MYPN: variants seen among roughly 807,000 people sequenced by gnomAD.
The protein encoded by MYPN is sarcomeric protein myopalladin, 145 kDa (MYOP).
A neutral mutation model predicts 129.4 loss-of-function variants in MYPN; 63 were observed. The observed-to-expected ratio is 0.49, with a 90% CI of 0.40 to 0.60. The LOEUF (loss-of-function observed/expected upper bound fraction) is 0.60, where lower values mean the gene tolerates loss of function less well. Ranked by LOEUF, MYPN falls within the 20% of genes least tolerant of loss-of-function variation. The pLI is 0.00. For missense variants in MYPN, 1,596 were observed against 1,635.4 expected, an observed-to-expected ratio of 0.98 and a Z score of 0.42; for synonymous variants, 629 against 600.9, an observed-to-expected ratio of 1.05 and a Z score of -0.68.
intron 12 of MYPN, among the ~76,000 whole-genome samples, chr10:68,182,336 CACACATATATAACATATATATA>C (rs2043334990): frequency 2.4e-5 from 1 of 41,090 alleles, no homozygotes; most frequent in Non-Finnish European, 6.5e-5. Flanking sequence ...ATATATAACA[CACACATATATAACATATATATA>C]ACACATATAT....
intron 1 of MYPN, among the ~76,000 whole-genome samples, chr10:68,117,326 A>C (rs76375118): frequency 0.021 from 3,218 of 152,146 alleles, 126 homozygotes; most frequent in African/African-American, 0.073. Flanking sequence ...TCTATGTGCT[A>C]TGTGGGTGCA....
At chr10:68,103,522 C>T (rs1341430008), upstream of MYPN, among the ~76,000 whole-genome samples, 2 of 152,142 alleles carry the variant, frequency 1.3e-5, no homozygotes, top group African/African-American at 2.4e-5. Context: ...AATCCCATTG[C>T]CCATCAATAC....
intron 12 of MYPN, among the ~76,000 whole-genome samples, chr10:68,184,017 T>C (rs188668522): frequency 6.0e-4 from 92 of 152,266 alleles, no homozygotes; most frequent in Admixed American, 2.2e-3. Context: ...GTGAGAACCC[T>C]GTCTCAAAAA....
intron 2 of MYPN, among the ~76,000 whole-genome samples, chr10:68,127,319 C>CTTTT (rs71470508): frequency 5.2e-4 from 38 of 72,570 alleles, no homozygotes; most frequent in African/African-American, 7.3e-4. Context: ...ACACATATAT[C>CTTTT]TTTTTTTTTT....
At chr10:68,104,220 A>G (rs1176943579), upstream of MYPN, among the ~76,000 whole-genome samples, 1 of 152,178 alleles carries the variant, frequency 6.6e-6, no homozygotes, top group Non-Finnish European at 1.5e-5. Context: ...GGTCATGAGT[A>G]AGAACACTGA....
intron 2 of MYPN, among the ~76,000 whole-genome samples, chr10:68,139,361 T>TTC (rs1380693466): frequency 1.3e-5 from 2 of 152,332 alleles, no homozygotes; most frequent in African/African-American, 4.8e-5. Context: ...GTTTCCACAT[T>TTC]TCTCAAATCT....
intron 1 of MYPN, among the ~76,000 whole-genome samples, chr10:68,117,031 C>A (rs903311652): frequency 6.6e-6 from 1 of 151,974 alleles, no homozygotes; most frequent in African/African-American, 2.4e-5. Flanking sequence ...ACCATCCAGA[C>A]TGATCAACAT....
intron 2 of MYPN, among the ~76,000 whole-genome samples, chr10:68,132,938 G>T (rs1436408425): frequency 6.6e-6 from 1 of 151,810 alleles, no homozygotes; most frequent in Admixed American, 6.6e-5. Flanking sequence ...CAAAATGGTA[G>T]ACTGAGCACA....
intron 2 of MYPN, 146 bp from the exon 3 acceptor site, chr10:68,142,794 A>G: frequency 1.2e-6 from 1 of 805,550 alleles, no homozygotes; most frequent in African/African-American, 1.7e-5. Context: ...TCTCACTGTT[A>G]CAAAAAAATA....
rs374007615 is a variant in MYPN, at chr10:68,195,510, A to C, written c.3136A>C (p.Thr1046Pro). ...AAGTTTGCCCATTCGCAGTCGGCTA[A>C]CCTCTGCTGGTCAGTCTCACAGGTA... is the stretch of plus-strand genomic sequence containing the variant. Reference protein sequence around the residue: ...VQSLPIRSRLTSAGQSHRGRS... With the variant: ...VQSLPIRSRLPSAGQSHRGRS... The change falls in exon 15 of 20, where the codon ACC becomes CCC. Residue 1046 changes from threonine to proline, a missense_variant. Physicochemically the swap from Thr to Pro is conservative, Grantham distance 38. Transcript: ENST00000358913. The C allele has an allele frequency of 2.0e-5, 33 of 1,613,922 alleles. No individual in the cohort carries two copies. In the Admixed American group the frequency reaches 2.5e-4, roughly 12 times the overall value.
At position 68,148,464 on chromosome 10, in the gene MYPN, G is replaced by A. The variant is rs1371488410; in HGVS notation, c.1242G>A (p.Gln414=). The A allele has an allele frequency of 6.2e-7, 1 of 1,613,002 alleles. No individual in the cohort carries two copies. The highest frequency in any genetic ancestry group is 2.2e-5 in the East Asian group (1 of 44,898). Residue 414 remains glutamine (Q), a synonymous_variant, in exon 5 of 20, where the codon CAG becomes CAA. Transcript: ENST00000358913. ...LVAQPRVATI[Q]QCQSPTNYLQ... ...CCCAACCTCGTGTGGCAACCATCCA[G>A]CAGGTACAAGAATCCAAGCGAAACA...
chr10:68,173,031 C>G (rs1158804790), intron 10 of MYPN, among the ~76,000 whole-genome samples: 1 of 152,072 alleles, frequency 6.6e-6, no homozygotes, highest in Non-Finnish European at 1.5e-5. Context: ...CAAGATCGCA[C>G]TACTGCACTC....
At chr10:68,139,611 C>A (rs1382769299) in intron 2 of MYPN, among the ~76,000 whole-genome samples, 1 of 152,216 alleles carries the variant, frequency 6.6e-6, no homozygotes, top group Non-Finnish European at 1.5e-5. Context: ...TTTGTTTGTA[C>A]AAGCTCCTTG....
At chr10:68,092,033 G>C (rs936652062) in intron 1 of MYPN, among the ~76,000 whole-genome samples, 1 of 152,072 alleles carries the variant, frequency 6.6e-6, no homozygotes, top group Non-Finnish European at 1.5e-5. Context: ...AGTGAGCTAT[G>C]ATTGTGTCAC....
At chr10:68,102,352 C>T (rs2133946538), upstream of MYPN, among the ~76,000 whole-genome samples, 1 of 152,158 alleles carries the variant, frequency 6.6e-6, no homozygotes, top group African/African-American at 2.4e-5. Flanking sequence ...TGGTCTCAAA[C>T]TCCTAGGCTC....
At position 68,148,337 on chromosome 10, in the gene MYPN, T is replaced by G. The variant is rs1187874880; in HGVS notation, c.1131-16T>G. 1.3e-6 allele frequency: 2 copies of G among 1,578,210 alleles called. No individual in the cohort carries two copies. The highest frequency in any genetic ancestry group is 2.2e-5 in the South Asian group (2 of 90,370). ...GATAGGTCTATTTTATAATCTATAT[T>G]TTAATAATTTCTCAGAATCCAGAAG... On this transcript the variant is annotated splice_polypyrimidine_tract_variant and intron_variant, in intron 4 of 19. Transcript: ENST00000358913.
At position 68,194,387 on chromosome 10, in the gene MYPN, C is replaced by G; in HGVS notation, c.2950C>G (p.Gln984Glu). 6.2e-7 allele frequency: 1 copy of G among 1,613,574 alleles called. No homozygotes were observed. Among genetic ancestry groups the G allele is most frequent in the East Asian group, 2.2e-5 (1 of 44,834 alleles). ...PKVYWFKDGK[Q>E]ISKRNEHCKM... is the part of the protein sequence containing the mutation. ...GGTTTACTGGTTCAAAGATGGGAAG[C>G]AGATTTCTAAGAGAAATGAGCACTG... The change falls in exon 14 of 20, where the codon CAG becomes GAG. Residue 984 changes from glutamine to glutamate, a missense_variant. Physicochemically the swap from Gln to Glu is conservative, Grantham distance 29 (BLOSUM62 2). Transcript: ENST00000358913.
At position 68,147,100 on chromosome 10, in the gene MYPN, C is replaced by T. The variant is rs145336306; in HGVS notation, c.1131-1253C>T. On this transcript the variant is annotated intron_variant, in intron 4 of 19. Transcript: ENST00000358913. ...AGTAAGCACCATTCTAAACACATTA[C>T]ATGAATTATCTTATTTAATCCTCAC... is the stretch of plus-strand genomic sequence containing the variant. 1.7e-3 allele frequency among the ~76,000 whole-genome samples: 254 copies of T among 152,214 alleles called. 1 individual carries two copies. Among genetic ancestry groups the T allele is most frequent in the African/African-American group, 5.8e-3 (239 of 41,540 alleles).
rs763850193 is a variant in MYPN, at chr10:68,121,722, A to G, written c.284A>G (p.Gln95Arg). The change falls in exon 2 of 20, where the codon CAA becomes CGA. Residue 95 changes from glutamine to arginine, a missense_variant. Coordinates refer to ENST00000358913, the MANE Select transcript of MYPN (RefSeq NM_032578.4). ...CCTTTGGAGAAGGCAGATGAAACTC[A>G]AGCTAGAAAACGACTTTCTCCTGAT... Reference protein sequence around the residue: ...YDPLEKADETQARKRLSPDQM... With the variant: ...YDPLEKADETRARKRLSPDQM... 1 of 1,614,188 alleles carries G rather than the reference A, an allele frequency of 6.2e-7. No homozygotes were observed. Among genetic ancestry groups the G allele is most frequent in the Non-Finnish European group, 8.5e-7 (1 of 1,180,030 alleles).
Sources: allele counts gnomAD v4.1 joint callset (sites outside exome capture counted in the v4.1 genomes callset), GRCh38; gene constraint gnomAD v4.1.1; transcripts MANE v1.5; gene names NCBI Gene and HGNC (gene_info 2026-07-23, HGNC 2026-07-21).